The following NEXN variants were observed in gnomAD, a reference collection of about 807,000 sequenced individuals.
NEXN encodes the protein nexilin.
Under a neutral mutation model 92.6 loss-of-function variants are expected in NEXN, and 65 were observed. That is an observed-to-expected ratio of 0.70 (90% confidence interval 0.57 to 0.86). NEXN has a LOEUF of 0.86. Among genes scored for constraint, NEXN ranks in the 40% least tolerant of loss-of-function variants. NEXN has a pLI of 0.00. For synonymous variants in NEXN, 254 were observed against 242.5 expected (o/e 1.05, Z -0.44); for missense variants, 778 against 771.1 (o/e 1.01, Z -0.11).
At chr1:77,901,896 G>A (rs940198259) in intron 1 of NEXN, among the ~76,000 whole-genome samples, 7 of 152,148 alleles carry the variant, frequency 4.6e-5, no homozygotes, top group African/African-American at 1.2e-4. Context: ...AATGCACCCA[G>A]CTAAAGCTAA....
chr1:77,897,982 T>G (rs1167704764), intron 1 of NEXN, among the ~76,000 whole-genome samples: 1 of 152,128 alleles, frequency 6.6e-6, no homozygotes, highest in Non-Finnish European at 1.5e-5. Context: ...CAAGGAGAAC[T>G]ACAAACCACT....
At chr1:77,922,591 CA>C (rs1649511366) in intron 5 of NEXN, among the ~76,000 whole-genome samples, 1 of 150,498 alleles carries the variant, frequency 6.6e-6, no homozygotes, top group African/African-American at 2.4e-5. Context: ...TTACAGTATA[CA>C]AAATTATTCT....
intron 11 of NEXN, among the ~76,000 whole-genome samples, chr1:77,938,912 A>G (rs554734218): frequency 2.0e-5 from 3 of 152,340 alleles, no homozygotes; most frequent in Admixed American, 2.0e-4. Flanking sequence ...AAGGTTGTAA[A>G]AATAGGTTGT....
intron 1 of NEXN, among the ~76,000 whole-genome samples, chr1:77,901,586 G>A (rs940220277): frequency 1.3e-5 from 2 of 152,006 alleles, no homozygotes; most frequent in African/African-American, 4.8e-5. Context: ...GGGGATCTTA[G>A]ATACTTACAA....
At chr1:77,931,577 C>T (rs1204925086) in intron 9 of NEXN, 1 of 152,050 alleles carries the variant, frequency 6.6e-6, no homozygotes, top group Non-Finnish European at 1.5e-5. Context: ...AAAACAAAAC[C>T]AAGTTTCCTA....
intron 9 of NEXN, chr1:77,931,964 G>T (rs1650350892): frequency 6.6e-6 from 1 of 152,010 alleles, no homozygotes; most frequent in South Asian, 2.1e-4. Flanking sequence ...GAGTCTCGCT[G>T]TCACCCAGGC....
At chr1:77,910,217 A>T (rs1301451961) in intron 1 of NEXN, among the ~76,000 whole-genome samples, 1 of 152,158 alleles carries the variant, frequency 6.6e-6, no homozygotes, top group Admixed American at 6.5e-5. Context: ...TACAGCTAAC[A>T]TCTTACTTAA....
At chr1:77,938,722 CAAG>C (rs145572505) in intron 11 of NEXN, among the ~76,000 whole-genome samples, 13,145 of 151,874 alleles carry the variant, frequency 0.087, 655 homozygotes, top group African/African-American at 0.15. Context: ...TTAACAGGGC[CAAG>C]AAGGTGACAT....
chr1:77,898,926 A>C (rs1196657769), intron 1 of NEXN, among the ~76,000 whole-genome samples: 1 of 152,272 alleles, frequency 6.6e-6, no homozygotes, highest in Admixed American at 6.5e-5. Flanking sequence ...ATCACTGGCC[A>C]TCAGAGAAAT....
chr1:77,935,589 G>T (rs1318373266), intron 10 of NEXN, among the ~76,000 whole-genome samples: 1 of 152,114 alleles, frequency 6.6e-6, no homozygotes, highest in East Asian at 1.9e-4. Flanking sequence ...CTGTATTTTT[G>T]GTTTCAAATA....
chr1:77,903,615 T>G (rs78977867), intron 1 of NEXN, among the ~76,000 whole-genome samples: 1,818 of 152,262 alleles, frequency 0.012, 8 homozygotes, highest in Non-Finnish European at 0.018. Flanking sequence ...TATATGAAAT[T>G]GAAGGAGCAG....
chr1:77,917,896 G>A (rs1649101935), intron 3 of NEXN, 64 bp from the exon 4 acceptor site: 1 of 1,475,408 alleles, frequency 6.8e-7, no homozygotes, highest in Non-Finnish European at 9.5e-7. Flanking sequence ...TTTAAACTCT[G>A]CATATAATGT....
chr1:77,930,358 G>A (rs984967023), intron 9 of NEXN, among the ~76,000 whole-genome samples: 2 of 152,092 alleles, frequency 1.3e-5, no homozygotes, highest in Non-Finnish European at 2.9e-5. Context: ...AAATCACTAT[G>A]AAATCTGTCA....
At position 77,935,804 on chromosome 1, in the gene NEXN, T is replaced by A; in HGVS notation, c.1252-19T>A. ...TCTCTCAAAAACAGCAGCAACAAAC[T>A]TATTAATTTTTTTTGAAGGAAGAGG... is the stretch of plus-strand genomic sequence containing the variant. On this transcript the variant is annotated intron_variant, in intron 10 of 12. Coordinates refer to ENST00000334785, the MANE Select transcript of NEXN (RefSeq NM_144573.4). 1 of 1,601,728 alleles carries A rather than the reference T, an allele frequency of 6.2e-7. No homozygotes were observed. Among genetic ancestry groups the A allele is most frequent in the Non-Finnish European group, 8.5e-7 (1 of 1,171,318 alleles).
Position 77,933,451 on chromosome 1 carries a change from T to C in NEXN, c.1223T>C (p.Phe408Ser). The change falls in exon 10 of 13, where the codon TTT (phenylalanine) becomes TCT (serine). Residue 408 changes from phenylalanine (F) to serine (S), a missense_variant. Phe to Ser is a radical substitution (Grantham distance 155, BLOSUM62 -2). Transcript: ENST00000334785. ...AAGCTAGAAATGGAGAAACAAGAAT[T>C]TGAACAACTGAGACAGGAAATGGGA... ...KHKLEMEKQE[F>S]EQLRQEMGEE... 1 of 1,612,708 alleles carries C rather than the reference T, an allele frequency of 6.2e-7. No homozygotes were observed. Among genetic ancestry groups the C allele is most frequent in the African/African-American group, 1.3e-5 (1 of 74,954 alleles).
intron 1 of NEXN, among the ~76,000 whole-genome samples, chr1:77,913,920 T>C (rs1472410486): frequency 6.6e-6 from 1 of 152,152 alleles, no homozygotes; most frequent in East Asian, 1.9e-4. Flanking sequence ...AAATGAGCTA[T>C]CAAGCCATGA....
chr1:77,936,449 T>C (rs1201181894), intron 11 of NEXN, among the ~76,000 whole-genome samples: 1 of 152,158 alleles, frequency 6.6e-6, no homozygotes, highest in Non-Finnish European at 1.5e-5. Context: ...TAAAATAATA[T>C]ATTTTTTGGC....
rs1256705869 is a variant in NEXN at position 77,942,923 on chromosome 1, C to T, written c.*94C>T. On this transcript the variant is annotated 3_prime_UTR_variant, in exon 13 of 13. Transcript: ENST00000334785. ...AGCTGATGACTACTAGCTCCCCTCC[C>T]CTCTCCCTGGAACTTTCTCTTTCAC... 1 of 1,474,666 alleles carries T rather than the reference C, an allele frequency of 6.8e-7. No individual in the cohort carries two copies. The highest frequency in any genetic ancestry group is 1.4e-5 in the African/African-American group (1 of 71,464). 91.3% of individuals were successfully genotyped at this position (1,474,666 alleles called of 1,614,324 possible).
rs562727151 is a variant in NEXN, at chr1:77,902,522, GA to G, written c.-52-13531del. Among the ~76,000 whole-genome samples the G allele has an allele frequency of 1.2e-3, 185 of 152,250 alleles. 1 individual carries two copies. Among genetic ancestry groups the G allele is most frequent in the African/African-American group, 4.3e-3 (180 of 41,558 alleles). On this transcript the variant is annotated intron_variant, in intron 1 of 12. Coordinates refer to ENST00000334785, the MANE Select transcript of NEXN (RefSeq NM_144573.4). ...GCCTAGGATATGGTGAGTACAGGTA[GA>G]ATATTATTTAAAACATCTATAAAGA... is the stretch of plus-strand genomic sequence containing the variant.
Sources: gnomAD v4.1 joint callset for allele counts (sites outside exome capture counted in the v4.1 genomes callset) on GRCh38, gnomAD v4.1.1 for gene constraint, MANE v1.5 for transcripts, NCBI Gene and HGNC (gene_info 2026-07-23, HGNC 2026-07-21) for gene names.